Variants in MPP4 observed in about 807,000 individuals in gnomAD.
The protein encoded by MPP4 is MAGUK p55 scaffold protein 4.
Under a neutral mutation model 98.3 loss-of-function variants are expected in MPP4, and 91 were observed. The observed-to-expected ratio is 0.93, with a 90% CI of 0.78 to 1.10. MPP4 has a LOEUF of 1.10. MPP4 is among the 50% of genes least tolerant of loss of function. The pLI is 0.00. For synonymous variants in MPP4, 261 were observed against 271.8 expected, an observed-to-expected ratio of 0.96 and a Z score of 0.39; for missense variants, 744 against 792.9, an observed-to-expected ratio of 0.94 and a Z score of 0.74.
intron 18 of MPP4, chr2:201,650,767 A>C (rs986006651): frequency 7.1e-6 from 7 of 985,374 alleles, no homozygotes; most frequent in Non-Finnish European, 8.4e-6. Context: ...TGCAATCTTG[A>C]CCAGATGCAT....
In MPP4 at chr2:201,666,357, A is replaced by G; in HGVS notation, c.1028T>C (p.Ile343Thr). The change falls in exon 13 of 22, where the codon ATT (isoleucine) becomes ACT (threonine). Residue 343 changes from isoleucine to threonine, a missense_variant. By Grantham distance (89) the Ile-to-Thr change is moderately conservative. Transcript: ENST00000409474. ...ISMEEEDDMK[I>T]DEKCVEADEE... ...ACCTGCTTCCACACATTTCTCATCA[A>G]TCTTCATGTCATCTTCTATAAAAGA... 1 of 1,556,056 alleles carries G rather than the reference A, an allele frequency of 6.4e-7. No homozygotes were observed. The highest frequency in any genetic ancestry group is 8.7e-7 in the Non-Finnish European group (1 of 1,150,266).
intron 10 of MPP4, 168 bp downstream of exon 10, chr2:201,680,670 T>C (rs1688640156): frequency 5.1e-6 from 3 of 587,862 alleles, no homozygotes; most frequent in South Asian, 5.6e-5. Context: ...GTATTTAAGA[T>C]GCTTAGGGTT....
At chr2:201,694,989 AT>A (rs533178693) in intron 1 of MPP4, among the ~76,000 whole-genome samples, 172 of 152,244 alleles carry the variant, frequency 1.1e-3, no homozygotes, top group African/African-American at 3.9e-3. Flanking sequence ...TTTAATGTTT[AT>A]TTTTGGTATT....
At chr2:201,660,580 T>C (rs1301855456) in intron 14 of MPP4, among the ~76,000 whole-genome samples, 3 of 152,154 alleles carry the variant, frequency 2.0e-5, no homozygotes. Flanking sequence ...AAGTTGCCTA[T>C]CAAGACTCTC....
rs550940428 is a variant in MPP4, at chr2:201,649,046, A to G, written c.1584+530T>C. Among the ~76,000 whole-genome samples the G allele has an allele frequency of 4.6e-5, 7 of 152,294 alleles. No individual in the cohort carries two copies. In the South Asian group the frequency reaches 1.5e-3, roughly 32 times the overall value. On this transcript the variant is annotated intron_variant, in intron 20 of 21. Transcript: ENST00000409474. ...GCCACTGCGCTCTAGTCTGGATGAC[A>G]GAGCAGGGCCTTGTCTCAAAAAACA...
rs750372881 is a variant in MPP4, at chr2:201,660,385, G to T, written c.1073-39C>A. 3.1e-6 allele frequency: 5 copies of T among 1,610,920 alleles called. 1 individual carries two copies. In the South Asian group the frequency reaches 3.3e-5, roughly 11 times the overall value. On this transcript the variant is annotated intron_variant, in intron 14 of 21. Transcript: ENST00000409474. Reference sequence around the variant, plus strand: ...TAAGTGCAGAAACAGACATGAAAAAGTTAAGCCTTTAAGAAGATCATGTTA... The same window carrying T: ...TAAGTGCAGAAACAGACATGAAAAATTTAAGCCTTTAAGAAGATCATGTTA...
At chr2:201,648,378 T>C (rs200150237) in intron 20 of MPP4, among the ~76,000 whole-genome samples, 5 of 152,330 alleles carry the variant, frequency 3.3e-5, no homozygotes, top group African/African-American at 9.6e-5. Context: ...CTTCTCAAAA[T>C]TTCTAAGACC....
intron 17 of MPP4, among the ~76,000 whole-genome samples, chr2:201,655,626 G>A (rs1687827468): frequency 6.6e-6 from 1 of 152,212 alleles, no homozygotes; most frequent in Non-Finnish European, 1.5e-5. Context: ...CACGAAGGCA[G>A]TAGGATACAA....
At chr2:201,678,602 T>C (rs1366289313) in intron 10 of MPP4, among the ~76,000 whole-genome samples, 1 of 152,156 alleles carries the variant, frequency 6.6e-6, no homozygotes, top group African/African-American at 2.4e-5. Flanking sequence ...GTTGATGCTC[T>C]CACGGTGGCT....
At chr2:201,680,012 C>A (rs1224330603) in intron 10 of MPP4, 2 of 152,240 alleles carry the variant, frequency 1.3e-5, no homozygotes, top group Non-Finnish European at 2.9e-5. Flanking sequence ...TCTTGATTTT[C>A]ATTCTGCCTC....
intron 18 of MPP4, chr2:201,651,699 A>G (rs1687715968): frequency 1.0e-6 from 1 of 974,080 alleles, no homozygotes; most frequent in Admixed American, 6.2e-5. Flanking sequence ...CACGCCTGTA[A>G]TCCCAGCACT....
chr2:201,671,389 T>C (rs1034790425), intron 11 of MPP4, among the ~76,000 whole-genome samples: 1 of 152,064 alleles, frequency 6.6e-6, no homozygotes, highest in Non-Finnish European at 1.5e-5. Flanking sequence ...AGGATAAAAT[T>C]CACACATAAC....
chr2:201,659,547 A>G (rs2105919129), intron 15 of MPP4, among the ~76,000 whole-genome samples: 1 of 152,348 alleles, frequency 6.6e-6, no homozygotes, highest in South Asian at 2.1e-4. Context: ...TTGAAATAAT[A>G]TATAGCCAGG....
At chr2:201,657,964 T>G (rs903084811) in intron 16 of MPP4, among the ~76,000 whole-genome samples, 5 of 145,792 alleles carry the variant, frequency 3.4e-5, no homozygotes, top group African/African-American at 1.1e-4. Context: ...GTTTTTTTTT[T>G]TTTTGTTTTT....
chr2:201,684,429 T>C (rs1035259457), intron 7 of MPP4, among the ~76,000 whole-genome samples: 1 of 152,156 alleles, frequency 6.6e-6, no homozygotes, highest in African/African-American at 2.4e-5. Context: ...GCAAGTTAGT[T>C]TCATAATCTC....
In MPP4 at chr2:201,686,028, G is replaced by C. The variant is rs764628580; in HGVS notation, c.383C>G (p.Thr128Arg). ...HFKALLSAHD[T>R]IAQKDFEPLL... ...GGGTTCAAAATCTTTCTGAGCTATC[G>C]TGTCATGGGCACTGAGCAAGGCCTG... is the stretch of plus-strand genomic sequence containing the variant. The change falls in exon 6 of 22, where the codon ACG becomes AGG. Residue 128 changes from threonine to arginine, a missense_variant. Coordinates refer to ENST00000409474, the MANE Select transcript of MPP4 (RefSeq NM_033066.3). 16 of 1,612,056 alleles carry C rather than the reference G, an allele frequency of 9.9e-6. No homozygotes were observed. In the East Asian group the frequency reaches 3.6e-4, roughly 36 times the overall value.
At position 201,645,375 on chromosome 2, in the gene MPP4, T is replaced by A; in HGVS notation, c.1749A>T (p.Leu583Phe). Reference protein sequence around the residue: ...KDEDLQEMENLAQRMETQFGQ... With the variant: ...KDEDLQEMENFAQRMETQFGQ... ...CAAACTGAGTTTCCATTCTTTGGGC[T>A]AAATTTTCCATCTCTTGTAGGTCTT... The change falls in exon 22 of 22, where the codon TTA becomes TTT. Residue 583 changes from leucine to phenylalanine, a missense_variant. Leu to Phe is a conservative substitution (Grantham distance 22, BLOSUM62 0). Coordinates refer to ENST00000409474, the MANE Select transcript of MPP4 (RefSeq NM_033066.3). 6.2e-7 allele frequency: 1 copy of A among 1,614,034 alleles called. No individual in the cohort carries two copies.
intron 11 of MPP4, among the ~76,000 whole-genome samples, chr2:201,674,763 C>A (rs1012639663): frequency 6.6e-6 from 1 of 152,136 alleles, no homozygotes; most frequent in African/African-American, 2.4e-5. Flanking sequence ...AAGGTGTAGA[C>A]TGTCATAAGA....
At chr2:201,661,579 A>G (rs1688027544) in intron 14 of MPP4, 1 of 456,200 alleles carries the variant, frequency 2.2e-6, no homozygotes, top group African/African-American at 2.0e-5. Flanking sequence ...TCTCAAAAGA[A>G]CTGGCTGCTG....
Sources: allele counts gnomAD v4.1 joint callset (sites outside exome capture counted in the v4.1 genomes callset), GRCh38; gene constraint gnomAD v4.1.1; transcripts MANE v1.5; gene names NCBI Gene and HGNC (gene_info 2026-07-23, HGNC 2026-07-21).